The following PDE6C variants were observed in gnomAD, a reference collection of about 807,000 sequenced individuals.
PDE6C encodes the protein phosphodiesterase 6C, also known as cone cGMP-specific 3',5'-cyclic phosphodiesterase subunit alpha'.
Under a neutral mutation model 113.1 loss-of-function variants are expected in PDE6C, and 75 were observed. The observed-to-expected ratio is 0.66, with a 90% CI of 0.55 to 0.80. The LOEUF (loss-of-function observed/expected upper bound fraction) is 0.80, where lower values mean the gene tolerates loss of function less well. Ranked by LOEUF, PDE6C falls within the 30% of genes least tolerant of loss-of-function variation. The probability of loss-of-function intolerance (pLI) is 0.00; values close to 1 mark genes in which losing one functional copy is unlikely to be tolerated. For synonymous variants in PDE6C, 375 were observed against 363.7 expected, an observed-to-expected ratio of 1.03 and a Z score of -0.35; for missense variants, 912 against 1,038.6, an observed-to-expected ratio of 0.88 and a Z score of 1.67.
At chr10:93,652,243 T>A (rs1291671989) in intron 15 of PDE6C, among the ~76,000 whole-genome samples, 1 of 152,164 alleles carries the variant, frequency 6.6e-6, no homozygotes, top group Non-Finnish European at 1.5e-5. Context: ...AGGCCACAAA[T>A]TTGGCCAAGT....
At chr10:93,622,643 TTTTTTTG>T (rs1248145161) in intron 4 of PDE6C, among the ~76,000 whole-genome samples, 13 of 13,234 alleles carry the variant, frequency 9.8e-4, no homozygotes, top group Non-Finnish European at 2.4e-3. Context: ...CCACAGGTTT[TTTTTTTG>T]TTTTTTTTTT....
intron 15 of PDE6C, among the ~76,000 whole-genome samples, chr10:93,653,524 A>G (rs188918663): frequency 6.6e-6 from 1 of 152,186 alleles, no homozygotes; most frequent in Admixed American, 6.5e-5. Context: ...GGTGCCTGTA[A>G]TCCCAGCTAT....
In PDE6C at chr10:93,620,972, A is replaced by C. The variant is rs751205934; in HGVS notation, c.715A>C (p.Arg239=). ...CTACATGTACAATATTGAATCCCGA[A>C]GAAGCCAGGTAAAAGGAAGGCAGCA... The part of the protein sequence containing the change: ...TSYMYNIESR[R]SQILMWSANK... The change falls in exon 3 of 22, where the codon AGA becomes CGA. Residue 239 remains arginine, a synonymous_variant. Coordinates refer to ENST00000371447, the MANE Select transcript of PDE6C (RefSeq NM_006204.4). 1.9e-6 allele frequency: 3 copies of C among 1,613,302 alleles called. No homozygotes were observed. The highest frequency in any genetic ancestry group is 2.5e-6 in the Non-Finnish European group (3 of 1,179,220).
intron 1 of PDE6C, among the ~76,000 whole-genome samples, chr10:93,614,762 C>T (rs7901817): frequency 0.027 from 4,145 of 152,108 alleles, 201 homozygotes; most frequent in African/African-American, 0.096. Flanking sequence ...TTTTGGTCTG[C>T]GGCTGTCCAT....
Position 93,612,966 on chromosome 10 carries a change from C to T in PDE6C, c.241C>T (p.His81Tyr), listed in dbSNP as rs1040611662. 7 of 1,613,864 alleles carry T rather than the reference C, an allele frequency of 4.3e-6. No homozygotes were observed. The highest frequency in any genetic ancestry group is 5.9e-6 in the Non-Finnish European group (7 of 1,179,964). Residue 81 changes from histidine to tyrosine, a missense_variant, in exon 1 of 22, where the codon CAC (histidine) becomes TAC (tyrosine). Coordinates refer to ENST00000371447, the MANE Select transcript of PDE6C (RefSeq NM_006204.4). ...GGGGGGCACCCCAGAGCAGGGGGTTCACAGGGCCCTGCAGAGGCTGGCCCA... is the reference window on the plus strand; with the variant it reads ...GGGGGGCACCCCAGAGCAGGGGGTTTACAGGGCCCTGCAGAGGCTGGCCCA... ...EEGGTPEQGV[H>Y]RALQRLAHLL...
intron 18 of PDE6C, among the ~76,000 whole-genome samples, chr10:93,661,434 A>G (rs1242800778): frequency 6.6e-6 from 1 of 152,130 alleles, no homozygotes; most frequent in Non-Finnish European, 1.5e-5. Context: ...TCCCTGACCC[A>G]TAGCACTTAC....
chr10:93,637,381 T>C (rs958090126), intron 11 of PDE6C, among the ~76,000 whole-genome samples: 1 of 152,132 alleles, frequency 6.6e-6, no homozygotes, highest in Non-Finnish European at 1.5e-5. Flanking sequence ...GATGACACCA[T>C]GGCCACCACA....
At position 93,662,600 on chromosome 10, in the gene PDE6C, T is replaced by G. The variant is rs1379094472; in HGVS notation, c.2324T>G (p.Leu775Arg). 6.6e-7 allele frequency: 1 copy of G among 1,505,672 alleles called. No individual in the cohort carries two copies. The highest frequency in any genetic ancestry group is 1.1e-5 in the South Asian group (1 of 88,880). The allele number at this position is 1,505,672 out of a possible 1,614,324, so 93.3% of individuals were successfully genotyped here. A position where few individuals can be genotyped will look rare whatever the true frequency, so the allele number is the denominator to read the frequency against. The change falls in exon 20 of 22, where the codon CTT becomes CGT. Residue 775 changes from leucine (L) to arginine (R), a missense_variant. Leu to Arg is a moderately radical substitution (Grantham distance 102). Coordinates refer to ENST00000371447, the MANE Select transcript of PDE6C (RefSeq NM_006204.4). ...DRNKRDELPK[L>R]QVGFIDFVCT... Reference sequence around the variant, plus strand: ...AACAAAAGAGATGAATTACCTAAACTTCAAGTTGGATTTATTGATTTTGTT... The same window carrying G: ...AACAAAAGAGATGAATTACCTAAACGTCAAGTTGGATTTATTGATTTTGTT...
chr10:93,658,797 C>A, intron 16 of PDE6C, 104 bp from the exon 17 acceptor site: 1 of 744,230 alleles, frequency 1.3e-6, no homozygotes, highest in Non-Finnish European at 2.4e-6. Flanking sequence ...ATGTGGACAT[C>A]ACAATGCAAA....
intron 7 of PDE6C, among the ~76,000 whole-genome samples, chr10:93,628,442 G>T (rs2058484797): frequency 1.3e-5 from 2 of 152,132 alleles, no homozygotes; most frequent in South Asian, 4.2e-4. Context: ...AAAATTAGTT[G>T]GGCTTGGTGG....
intron 3 of PDE6C, among the ~76,000 whole-genome samples, chr10:93,621,385 A>G (rs1247411141): frequency 6.6e-6 from 1 of 152,202 alleles, no homozygotes; most frequent in Non-Finnish European, 1.5e-5. Context: ...TCCTAACTCC[A>G]TGAGACAGAG....
At chr10:93,665,257 C>CTAAT in intron 21 of PDE6C, 103 bp from the exon 22 acceptor site, 1 of 888,552 alleles carries the variant, frequency 1.1e-6, no homozygotes, top group East Asian at 2.4e-5. Context: ...GTTAAAATGA[C>CTAAT]TAATTAGTCT....
chr10:93,631,224 C>G (rs988582022), intron 8 of PDE6C, among the ~76,000 whole-genome samples: 1 of 152,224 alleles, frequency 6.6e-6, no homozygotes, highest in African/African-American at 2.4e-5. Context: ...TCCCAGTTCT[C>G]TGGGAAACAT....
At chr10:93,629,131 C>T in intron 7 of PDE6C, 127 bp from the exon 8 acceptor site, 2 of 791,936 alleles carry the variant, frequency 2.5e-6, no homozygotes, top group Non-Finnish European at 2.3e-6. Context: ...GGTCCATTTG[C>T]CCGCAAGCAG....
At chr10:93,654,512 G>A (rs1451154784) in intron 15 of PDE6C, among the ~76,000 whole-genome samples, 2 of 152,176 alleles carry the variant, frequency 1.3e-5, no homozygotes, top group Admixed American at 6.5e-5. Flanking sequence ...AACTAAGTAA[G>A]TGTTTACTGT....
At chr10:93,654,723 A>G (rs1187151533) in intron 15 of PDE6C, among the ~76,000 whole-genome samples, 3 of 151,540 alleles carry the variant, frequency 2.0e-5, no homozygotes, top group Non-Finnish European at 4.4e-5. Flanking sequence ...CTGGGCTTTA[A>G]GAAACCACCC....
intron 15 of PDE6C, among the ~76,000 whole-genome samples, chr10:93,649,911 G>A (rs11187572): frequency 0.39 from 59,839 of 151,960 alleles, 13,520 homozygotes; most frequent in Non-Finnish European, 0.5. Context: ...AGCCTAAACT[G>A]CATCTCTAGA....
At chr10:93,636,214 A>G (rs2058528387) in intron 10 of PDE6C, among the ~76,000 whole-genome samples, 1 of 152,194 alleles carries the variant, frequency 6.6e-6, no homozygotes, top group Non-Finnish European at 1.5e-5. Context: ...ACATTCACCA[A>G]AATGCTCATT....
At chr10:93,645,125 CTG>C (rs1204225085) in intron 14 of PDE6C, among the ~76,000 whole-genome samples, 1 of 151,758 alleles carries the variant, frequency 6.6e-6, no homozygotes, top group Non-Finnish European at 1.5e-5. Flanking sequence ...GTTATAGAAA[CTG>C]GGATTTACTC....
Sources: gnomAD v4.1 joint callset for allele counts (sites outside exome capture counted in the v4.1 genomes callset) on GRCh38, gnomAD v4.1.1 for gene constraint, MANE v1.5 for transcripts, NCBI Gene and HGNC (gene_info 2026-07-23, HGNC 2026-07-21) for gene names.